The following EIF4E2 variants were observed in gnomAD, a reference collection of about 807,000 sequenced individuals.
EIF4E2 encodes the protein eukaryotic translation initiation factor 4E type 2.
A neutral mutation model predicts 34.2 loss-of-function variants in EIF4E2; 13 were observed. The ratio of observed to expected loss-of-function variants is 0.38; its 90% CI spans 0.25 to 0.60. EIF4E2 has a LOEUF of 0.60. Among genes scored for constraint, EIF4E2 ranks in the 20% least tolerant of loss-of-function variants. The pLI is 0.62. For synonymous variants in EIF4E2, 100 were observed against 106.6 expected (o/e 0.94, Z 0.38); for missense variants, 222 against 315.1 (o/e 0.70, Z 2.24).
intron 1 of EIF4E2, among the ~76,000 whole-genome samples, chr2:232,552,862 C>T (rs1692395125): frequency 6.6e-6 from 1 of 152,026 alleles, no homozygotes. Flanking sequence ...GCACTCCTGC[C>T]CCTAGTTTTA....
At chr2:232,572,468 C>T (rs1200450302), downstream of EIF4E2, among the ~76,000 whole-genome samples, 2 of 152,136 alleles carry the variant, frequency 1.3e-5, no homozygotes, top group East Asian at 3.8e-4. Flanking sequence ...TGGGTTCAAG[C>T]GATTCTCTTG....
At chr2:232,554,950 C>T (rs1369066998) in intron 1 of EIF4E2, among the ~76,000 whole-genome samples, 1 of 152,170 alleles carries the variant, frequency 6.6e-6, no homozygotes, top group Non-Finnish European at 1.5e-5. Flanking sequence ...ACCCTTTGGT[C>T]AGGTGCACTT....
At chr2:232,569,538 G>A (rs1693040435), downstream of EIF4E2, among the ~76,000 whole-genome samples, 1 of 152,176 alleles carries the variant, frequency 6.6e-6, no homozygotes, top group Non-Finnish European at 1.5e-5. Context: ...GTTGGAAAGG[G>A]GGATCCTTGG....
At chr2:232,559,263 A>T (rs1692631983) in intron 3 of EIF4E2, among the ~76,000 whole-genome samples, 1 of 151,504 alleles carries the variant, frequency 6.6e-6, no homozygotes, top group African/African-American at 2.4e-5. Context: ...TATGCTAGAT[A>T]TATTATATGG....
At chr2:232,580,365 C>A (rs1478327735) in intron 6 of EIF4E2, among the ~76,000 whole-genome samples, 1 of 152,144 alleles carries the variant, frequency 6.6e-6, no homozygotes. Context: ...AGAACATCTC[C>A]TTCTCAGGCT....
At chr2:232,578,891 A>G (rs548821426) in intron 6 of EIF4E2, among the ~76,000 whole-genome samples, 26 of 152,202 alleles carry the variant, frequency 1.7e-4, no homozygotes, top group South Asian at 6.2e-4. Flanking sequence ...CTACCTTCCC[A>G]TATCCCTGCC....
Position 232,557,822 on chromosome 2 carries a change from T to G in EIF4E2, c.136-62T>G, listed in dbSNP as rs1172553908. The G allele has an allele frequency of 7.0e-6, 11 of 1,572,198 alleles. No homozygotes were observed. The African/African-American group carries it at 9.5e-5, about 14-fold the overall frequency. On this transcript the variant is annotated intron_variant, in intron 2 of 6. Coordinates refer to ENST00000258416, the MANE Select transcript of EIF4E2 (RefSeq NM_004846.4). ...TGGTAAGGATTGACACTGCAAAATG[T>G]TCTCTCAGTCTCAGACCACGTGACA...
intron 6 of EIF4E2, chr2:232,574,468 C>G (rs1483068321): frequency 2.1e-6 from 2 of 946,720 alleles, no homozygotes; most frequent in Non-Finnish European, 3.2e-6. Context: ...AAGTCCCAAA[C>G]CACTGGATTC....
At chr2:232,554,131 C>T (rs190710493) in intron 1 of EIF4E2, among the ~76,000 whole-genome samples, 2 of 152,260 alleles carry the variant, frequency 1.3e-5, no homozygotes, top group East Asian at 3.9e-4. Flanking sequence ...ATAGCTGGAA[C>T]AAGTACAAAC....
downstream of EIF4E2, among the ~76,000 whole-genome samples, chr2:232,571,837 T>C (rs568709934): frequency 6.6e-6 from 1 of 152,322 alleles, no homozygotes; most frequent in East Asian, 1.9e-4. Flanking sequence ...ATCTGTGATA[T>C]GTACCACCGA....
intron 6 of EIF4E2, among the ~76,000 whole-genome samples, chr2:232,580,569 A>G (rs980508558): frequency 3.3e-5 from 5 of 152,208 alleles, no homozygotes; most frequent in African/African-American, 1.2e-4. Context: ...ACCTTAAGCT[A>G]TCAGTTTATC....
chr2:232,580,378 C>T (rs77502090), intron 6 of EIF4E2, among the ~76,000 whole-genome samples: 2,313 of 152,234 alleles, frequency 0.015, 75 homozygotes, highest in African/African-American at 0.053. Flanking sequence ...CTCAGGCTTC[C>T]TCCATCTGCC....
intron 6 of EIF4E2, among the ~76,000 whole-genome samples, chr2:232,577,123 G>A (rs189676967): frequency 6.6e-6 from 1 of 152,308 alleles, no homozygotes; most frequent in Admixed American, 6.5e-5. Flanking sequence ...TGTATTGTTG[G>A]GAAATGAAGT....
chr2:232,566,539 G>A lies in EIF4E2; in HGVS notation c.376-290G>A, dbSNP rs907340885. On this transcript the variant is annotated intron_variant, in intron 4 of 6. Transcript: ENST00000258416. The surrounding 1 kb of genome is among the most constrained non-coding windows in gnomAD (Gnocchi z 4.9). Reference sequence around the variant, plus strand: ...AACGGATGATCTGTGCTTGAAATATGACATCATTTCGTTTTGATTCCTAAA... The same window carrying A: ...AACGGATGATCTGTGCTTGAAATATAACATCATTTCGTTTTGATTCCTAAA... Among the ~76,000 whole-genome samples, 1 of 152,198 alleles carries A rather than the reference G, an allele frequency of 6.6e-6. No homozygotes were observed. The highest frequency in any genetic ancestry group is 6.5e-5 in the Admixed American group (1 of 15,282).
At chr2:232,554,597 G>A (rs971521594) in intron 1 of EIF4E2, among the ~76,000 whole-genome samples, 9 of 152,108 alleles carry the variant, frequency 5.9e-5, no homozygotes, top group African/African-American at 2.2e-4. Context: ...TTTAATAAAG[G>A]GGAAGTTTAA....
In EIF4E2 at chr2:232,574,229, T is replaced by C. The variant is rs533775987; in HGVS notation, c.666-6675T>C. ...TGTGTTCAAAAGCTTTTGATCTGAA[T>C]GTGCTATTGTGTTTTTTGTCTCTGG... On this transcript the variant is annotated intron_variant, in intron 6 of 6. Coordinates refer to the EIF4E2 transcript ENST00000409098. 7.1e-4 allele frequency: 1,102 copies of C among 1,544,228 alleles called. 3 individuals are homozygous for C. Among genetic ancestry groups the C allele is most frequent in the Non-Finnish European group, 9.3e-4 (1,060 of 1,141,230 alleles).
chr2:232,555,064 C>T (rs1200181278), intron 1 of EIF4E2, among the ~76,000 whole-genome samples: 1 of 152,162 alleles, frequency 6.6e-6, no homozygotes, highest in Admixed American at 6.5e-5. Flanking sequence ...GCAGAGCAGG[C>T]ACCCCAACAT....
chr2:232,576,991 G>C (rs1352359616), intron 6 of EIF4E2, among the ~76,000 whole-genome samples: 2 of 152,126 alleles, frequency 1.3e-5, no homozygotes, highest in Non-Finnish European at 2.9e-5. Flanking sequence ...AATTTCATTT[G>C]ACTCCTGTTG....
chr2:232,565,846 C>T (rs1339892973), intron 4 of EIF4E2, among the ~76,000 whole-genome samples: 1 of 151,750 alleles, frequency 6.6e-6, no homozygotes, highest in Non-Finnish European at 1.5e-5. Flanking sequence ...GTAATCCCAG[C>T]ACTTTGGGAA....
Sources: gnomAD v4.1 joint callset for allele counts (sites outside exome capture counted in the v4.1 genomes callset) on GRCh38, gnomAD v4.1.1 for gene constraint, Gnocchi (gnomAD v3.1) non-coding constraint, MANE v1.5 for transcripts, NCBI Gene and HGNC (gene_info 2026-07-23, HGNC 2026-07-21) for gene names.